Variants in SH3TC2 observed in about 807,000 individuals in gnomAD.
SH3TC2 encodes SH3 domain and tetratricopeptide repeat-containing protein 2.
In SH3TC2, 87 loss-of-function variants were observed where a neutral mutation model predicts 124.5. The observed-to-expected ratio is 0.70, with a 90% CI of 0.59 to 0.84. SH3TC2 has a LOEUF of 0.84. SH3TC2 is among the 40% of genes least tolerant of loss of function. The probability of loss-of-function intolerance (pLI) is 0.00; values close to 1 mark genes in which losing one functional copy is unlikely to be tolerated. For missense variants in SH3TC2, 1,536 were observed against 1,566.4 expected, an observed-to-expected ratio of 0.98 and a Z score of 0.33; for synonymous variants, 634 against 628.5, an observed-to-expected ratio of 1.01 and a Z score of -0.13.
intron 4 of SH3TC2, 196 bp downstream of exon 4, chr5:149,044,337 G>A (rs925336225): frequency 9.2e-6 from 5 of 541,868 alleles, no homozygotes; most frequent in South Asian, 8.3e-5. Flanking sequence ...TTCTTCATAC[G>A]GCATTTTAGA....
In SH3TC2 at chr5:149,038,508, C is replaced by G; in HGVS notation, c.806-18G>C. The G allele has an allele frequency of 6.2e-7, 1 of 1,613,374 alleles. No individual in the cohort carries two copies. Among genetic ancestry groups the G allele is most frequent in the Non-Finnish European group, 8.5e-7 (1 of 1,179,408 alleles). On this transcript the variant is annotated intron_variant, in intron 7 of 16. Transcript: ENST00000515425. The stretch of plus-strand genomic sequence containing the variant: ...TCCTCTGCCTGTGGAAAATAGCACA[C>G]AGATCAGCTACAGAAGACATGAACA...
chr5:148,987,179 A>C lies in SH3TC2; in HGVS notation c.*17532T>G, dbSNP rs541896336. ...ATTTAATTTGATTTAAATTATTTTA[A>C]CCACTGTAACCCCTCTGTGGGGAGA... On this transcript the variant is annotated 3_prime_UTR_variant, in exon 17 of 17. Transcript: ENST00000515425. 2.2e-4 allele frequency among the ~76,000 whole-genome samples: 34 copies of C among 152,324 alleles called. No homozygotes were observed. The highest frequency in any genetic ancestry group is 7.7e-4 in the African/African-American group (32 of 41,574).
Position 149,010,343 on chromosome 5 carries a change from T to C in SH3TC2, c.3254A>G (p.Lys1085Arg), listed in dbSNP as rs750149369. Reference sequence around the variant, plus strand: ...CACATCACCTGCTTCTTCATAAAGTTTGAGAGCCAGCAAAGGCTCCTCTGA... The same window carrying C: ...CACATCACCTGCTTCTTCATAAAGTCTGAGAGCCAGCAAAGGCTCCTCTGA... ...LKSEEPLLALKLYEEAGDVFF... is the reference protein window; with the variant it reads ...LKSEEPLLALRLYEEAGDVFF... The change falls in exon 14 of 17, where the codon AAA (lysine) becomes AGA (arginine). Residue 1085 changes from lysine (K) to arginine (R), a missense_variant. This residue lies in a region of SH3TC2 where 426 missense variants were observed against 443.5 expected (regional missense o/e 0.96). Coordinates refer to ENST00000515425, the MANE Select transcript of SH3TC2 (RefSeq NM_024577.4). 3.0e-5 allele frequency: 48 copies of C among 1,614,126 alleles called. No individual in the cohort carries two copies. The highest frequency in any genetic ancestry group is 4.0e-5 in the Non-Finnish European group (47 of 1,180,020).
Position 148,996,263 on chromosome 5 carries a change from AAGAGAGAAAG to A in SH3TC2, c.*8438_*8447del, listed in dbSNP as rs899183931. On this transcript the variant is annotated 3_prime_UTR_variant, in exon 17 of 17. Coordinates refer to ENST00000515425, the MANE Select transcript of SH3TC2 (RefSeq NM_024577.4). ...CAACAGAGTGAGACCCTGCCTAAATAAGAGAGAAAGAGAGAGAGAGAGAGAAACAGACAGA... is the reference window on the plus strand; with the variant it reads ...CAACAGAGTGAGACCCTGCCTAAATAAGAGAGAGAGAGAGAAACAGACAGA... Among the ~76,000 whole-genome samples the A allele has an allele frequency of 3.3e-5, 5 of 151,834 alleles. No homozygotes were observed. The highest frequency in any genetic ancestry group is 1.2e-4 in the African/African-American group (5 of 41,202).
chr5:149,003,825 TG>T lies in SH3TC2; in HGVS notation c.*885del. 2.8e-6 allele frequency: 1 copy of T among 352,698 alleles called. No homozygotes were observed. Among genetic ancestry groups the T allele is most frequent in the Non-Finnish European group, 5.5e-6 (1 of 182,536 alleles). The allele number at this position is 352,698 out of a possible 1,614,324, so 21.8% of individuals were successfully genotyped here. On this transcript the variant is annotated 3_prime_UTR_variant, in exon 17 of 17. Transcript: ENST00000515425. ...CTGACTGTACCACTGAACTCCAGCC[TG>T]GGCAACAGAGGAGAAACTGTCTCAA...
intron 3 of SH3TC2, 77 bp from the exon 4 acceptor site, chr5:149,044,715 T>C: frequency 9.4e-7 from 1 of 1,066,750 alleles, no homozygotes. Context: ...GACCAAATAC[T>C]CTGTATGAAC....
chr5:149,039,681 T>C (rs1302707017), intron 7 of SH3TC2, among the ~76,000 whole-genome samples: 3 of 152,212 alleles, frequency 2.0e-5, no homozygotes, highest in African/African-American at 7.2e-5. Context: ...TTTTATTGTA[T>C]CATTTTACTA....
At position 149,006,977 on chromosome 5, in the gene SH3TC2, CA is replaced by C. The variant is rs1331023178; in HGVS notation, c.3578del (p.Leu1193ArgfsTer32). The C allele has an allele frequency of 6.2e-7, 1 of 1,614,130 alleles. No homozygotes were observed. On this transcript the variant is annotated frameshift_variant, in exon 16 of 17. Transcript: ENST00000515425. LOFTEE classifies it high-confidence loss of function. The part of the protein sequence containing the change: ...EMAEDCYLKT[L>X]SLCPPWLQSP... Reference sequence around the variant, plus strand: ...TCTGCAGCCATGGTGGACAGAGGGACAGGGTCTTCAGGTAGCAGTCCTCAGC... The same window carrying C: ...TCTGCAGCCATGGTGGACAGAGGGACGGGTCTTCAGGTAGCAGTCCTCAGC...
Position 149,028,431 on chromosome 5 carries a change from G to A in SH3TC2, c.1301C>T (p.Ala434Val), listed in dbSNP as rs746331423. 4 of 1,613,412 alleles carry A rather than the reference G, an allele frequency of 2.5e-6. No individual in the cohort carries two copies. Among genetic ancestry groups the A allele is most frequent in the Admixed American group, 1.7e-5 (1 of 59,984 alleles). ...CGGCAGGCGATAGCTGTCTGAGGTG[G>A]CCGAGAGGAGCTCCTCCTCCAGGCT... is the stretch of plus-strand genomic sequence containing the variant. ...DSSLEEELLS[A>V]TSDSYRLPEP... Residue 434 changes from alanine (A) to valine (V), a missense_variant, in exon 11 of 17, where the codon GCC (alanine) becomes GTC (valine). Coordinates refer to ENST00000515425, the MANE Select transcript of SH3TC2 (RefSeq NM_024577.4).
chr5:149,038,582 A>C (rs1251889357), intron 7 of SH3TC2, 92 bp from the exon 8 acceptor site: 56 of 1,345,746 alleles, frequency 4.2e-5, no homozygotes, highest in Non-Finnish European at 5.8e-5. Flanking sequence ...AGGGGTTCCC[A>C]GACTTTAGAA....
rs1753395677 is a variant in SH3TC2 at position 148,989,924 on chromosome 5, C to A, written c.*14787G>T. 6.6e-6 allele frequency among the ~76,000 whole-genome samples: 1 copy of A among 152,054 alleles called. No homozygotes were observed. Among genetic ancestry groups the A allele is most frequent in the Non-Finnish European group, 1.5e-5 (1 of 68,002 alleles). ...GATACATAACAGAAAAGAATGAGTT[C>A]TTGGGGTGTGGGGATACACAAGTGT... On this transcript the variant is annotated 3_prime_UTR_variant, in exon 17 of 17. Transcript: ENST00000515425.
At chr5:149,022,846 T>C (rs999119538) in intron 12 of SH3TC2, among the ~76,000 whole-genome samples, 25 of 152,226 alleles carry the variant, frequency 1.6e-4, no homozygotes, top group Admixed American at 1.3e-3. Context: ...GGCAAATCCA[T>C]AGTGACAGAA....
intron 12 of SH3TC2, among the ~76,000 whole-genome samples, chr5:149,017,554 A>C (rs1387056524): frequency 6.6e-6 from 1 of 152,070 alleles, no homozygotes; most frequent in Non-Finnish European, 1.5e-5. Flanking sequence ...CCACTTCTAA[A>C]CCCTAGAGAA....
chr5:148,998,621 G>C lies in SH3TC2; in HGVS notation c.*6090C>G, dbSNP rs945968095. Among the ~76,000 whole-genome samples, 1 of 152,200 alleles carries C rather than the reference G, an allele frequency of 6.6e-6. No homozygotes were observed. The highest frequency in any genetic ancestry group is 2.4e-5 in the African/African-American group (1 of 41,460). ...TCACCTGCCTCGCAGTCTGTACTGG[G>C]AAGCCAAGCCAAGCAGCCCCACTGT... On this transcript the variant is annotated 3_prime_UTR_variant, in exon 17 of 17. Coordinates refer to ENST00000515425, the MANE Select transcript of SH3TC2 (RefSeq NM_024577.4).
intron 2 of SH3TC2, among the ~76,000 whole-genome samples, chr5:149,051,503 G>C (rs1398573529): frequency 1.3e-5 from 2 of 152,142 alleles, no homozygotes; most frequent in Non-Finnish European, 2.9e-5. Flanking sequence ...CCAGGCTGGA[G>C]TGCAATGGTG....
At chr5:149,050,941 G>A (rs36079) in intron 2 of SH3TC2, among the ~76,000 whole-genome samples, 47,225 of 152,064 alleles carry the variant, frequency 0.31, 8,527 homozygotes, top group African/African-American at 0.49. Flanking sequence ...TGGTGAAGTC[G>A]TTTCCCTCGC....
At chr5:149,010,659 TTAAG>T (rs1753769433) in intron 13 of SH3TC2, among the ~76,000 whole-genome samples, 1 of 152,170 alleles carries the variant, frequency 6.6e-6, no homozygotes, top group Non-Finnish European at 1.5e-5. Flanking sequence ...GTTTTACTAG[TTAAG>T]TATTTATTTT....
chr5:149,012,367 G>C lies in SH3TC2; in HGVS notation c.3204+217C>G, dbSNP rs533037565. Among the ~76,000 whole-genome samples, 3 of 152,200 alleles carry C rather than the reference G, an allele frequency of 2.0e-5. No individual in the cohort carries two copies. The East Asian group carries it at 5.8e-4, about 29-fold the overall frequency. ...CTCCCAGGGTGCACACATGTGTATG[G>C]GTCTCAGCGACTGGCCCTTTGCTCC... On this transcript the variant is annotated intron_variant, in intron 13 of 16. Transcript: ENST00000515425.
Position 149,058,826 on chromosome 5 carries a change from C to T in SH3TC2, c.52+4145G>A, listed in dbSNP as rs562041002. The stretch of plus-strand genomic sequence containing the variant: ...GGGTGTTTAGAATGGATACAGTAAG[C>T]GATGGTGAGGTGTGAAATATTCTTG... On this transcript the variant is annotated intron_variant, in intron 1 of 16. Coordinates refer to ENST00000515425, the MANE Select transcript of SH3TC2 (RefSeq NM_024577.4). 8.6e-5 allele frequency among the ~76,000 whole-genome samples: 13 copies of T among 151,966 alleles called. No homozygotes were observed. In the South Asian group the frequency reaches 1.3e-3, roughly 15 times the overall value.
Sources: allele counts gnomAD v4.1 joint callset (sites outside exome capture counted in the v4.1 genomes callset), GRCh38; gene constraint gnomAD v4.1.1; regional missense constraint gnomAD v4.1.1; transcripts MANE v1.5; gene names NCBI Gene and HGNC (gene_info 2026-07-23, HGNC 2026-07-21).